The following SEL1L3 variants were observed in gnomAD, a reference collection of about 807,000 sequenced individuals.
SEL1L3 encodes the protein protein sel-1 homolog 3.
A neutral mutation model predicts 142.8 loss-of-function variants in SEL1L3; 76 were observed. That is an observed-to-expected ratio of 0.53 (90% CI 0.44 to 0.64). The LOEUF (loss-of-function observed/expected upper bound fraction) is 0.64, where lower values mean the gene tolerates loss of function less well. SEL1L3 is among the 30% of genes least tolerant of loss of function. The pLI, the probability that SEL1L3 is intolerant of heterozygous loss-of-function variation, is 0.00. For synonymous variants in SEL1L3, 504 were observed against 519.6 expected, an observed-to-expected ratio of 0.97 and a Z score of 0.41; for missense variants, 1,262 against 1,381.7, an observed-to-expected ratio of 0.91 and a Z score of 1.37.
intron 2 of SEL1L3, among the ~76,000 whole-genome samples, chr4:25,846,133 G>A (rs1716490939): frequency 6.6e-6 from 1 of 152,192 alleles, no homozygotes; most frequent in Non-Finnish European, 1.5e-5. Context: ...GGGGGCAGAA[G>A]AAGAGCTGGC....
At chr4:25,791,363 T>C (rs1560304001) in intron 11 of SEL1L3, among the ~76,000 whole-genome samples, 1 of 152,256 alleles carries the variant, frequency 6.6e-6, no homozygotes, top group Non-Finnish European at 1.5e-5. Flanking sequence ...ACAAAATGTT[T>C]AGAATTTGCA....
the SEL1L3 span, among the ~76,000 whole-genome samples, chr4:25,728,506 A>G: frequency 1.3e-5 from 2 of 152,068 alleles, no homozygotes; most frequent in Non-Finnish European, 2.9e-5. Flanking sequence ...CTTGCTCATC[A>G]GTTCTTCCCA....
At chr4:25,794,815 T>G (rs1237937573) in intron 11 of SEL1L3, among the ~76,000 whole-genome samples, 1 of 152,136 alleles carries the variant, frequency 6.6e-6, no homozygotes, top group East Asian at 1.9e-4. Flanking sequence ...CAAATGCCCA[T>G]CAGTGATAGA....
intron 13 of SEL1L3, among the ~76,000 whole-genome samples, chr4:25,785,917 C>T (rs1243310011): frequency 6.6e-6 from 1 of 152,170 alleles, no homozygotes; most frequent in Non-Finnish European, 1.5e-5. Flanking sequence ...AACCCACACA[C>T]TCTAGAATAG....
chr4:25,806,018 GTTTT>G (rs904711546), intron 9 of SEL1L3, among the ~76,000 whole-genome samples: 1 of 148,352 alleles, frequency 6.7e-6, no homozygotes, highest in African/African-American at 2.5e-5. Flanking sequence ...AATGTTGTGG[GTTTT>G]TTTTGTTTTG....
At chr4:25,862,611 G>A in intron 1 of SEL1L3, 64 bp downstream of exon 1, 3 of 917,494 alleles carry the variant, frequency 3.3e-6, no homozygotes, top group African/African-American at 1.7e-5. Context: ...GTCCCCGGCC[G>A]CCCCCACCCG....
At position 25,767,781 on chromosome 4, in the gene SEL1L3, C is replaced by T. The variant is rs1160397941; in HGVS notation, c.2719G>A (p.Val907Met). The T allele has an allele frequency of 1.9e-6, 3 of 1,583,978 alleles. No homozygotes were observed. Among genetic ancestry groups the T allele is most frequent in the East Asian group, 4.5e-5 (2 of 43,982 alleles). The change falls in exon 18 of 24, where the codon GTG (valine) becomes ATG (methionine). Residue 907 changes from valine to methionine, a missense_variant. Physicochemically the swap from Val to Met is conservative, Grantham distance 21. Coordinates refer to ENST00000399878, the MANE Select transcript of SEL1L3 (RefSeq NM_015187.5). Reference protein sequence around the residue: ...YVLAAETGIEVSQTNLAHICE... With the variant: ...YVLAAETGIEMSQTNLAHICE... ...ATGTGTGCTAAATTTGTCTGTGACA[C>T]TTCAATTCCAGTTTCTGCTGCTAAA...
chr4:25,756,041 G>A (rs1717934736), intron 23 of SEL1L3: 5 of 985,412 alleles, frequency 5.1e-6, no homozygotes, highest in Non-Finnish European at 4.8e-6. Context: ...AGAGAGAAAT[G>A]ATTTCGCATT....
At chr4:25,837,209 A>G (rs1715888946) in intron 2 of SEL1L3, among the ~76,000 whole-genome samples, 1 of 151,010 alleles carries the variant, frequency 6.6e-6, no homozygotes, top group African/African-American at 2.4e-5. Flanking sequence ...TCACCAAGGA[A>G]GTTGACATCA....
chr4:25,759,312 C>T (rs1718218045), intron 20 of SEL1L3: 9 of 449,768 alleles, frequency 2.0e-5, no homozygotes, highest in South Asian at 5.7e-5. Context: ...GCCAGTCAAC[C>T]GGGAGATCCG....
In SEL1L3 at chr4:25,784,212, A is replaced by G; in HGVS notation, c.2280+16T>C. The G allele has an allele frequency of 6.2e-7, 1 of 1,603,852 alleles. No homozygotes were observed. Among genetic ancestry groups the G allele is most frequent in the Non-Finnish European group, 8.5e-7 (1 of 1,170,684 alleles). On this transcript the variant is annotated intron_variant, in intron 14 of 23. Transcript: ENST00000399878. ...TGTGGTGGAACTGTTTCCCTCTGAC[A>G]ATATGCATGTGTTACCTTGGAAGCT... is the stretch of plus-strand genomic sequence containing the variant.
chr4:25,743,409 C>T (rs563420823), downstream of SEL1L3, among the ~76,000 whole-genome samples: 1 of 152,280 alleles, frequency 6.6e-6, no homozygotes, highest in South Asian at 2.1e-4. Flanking sequence ...AGACAGGTCT[C>T]AGTCCATTTA....
At chr4:25,734,183 C>T in the SEL1L3 span, among the ~76,000 whole-genome samples, 1 of 152,052 alleles carries the variant, frequency 6.6e-6, no homozygotes, top group African/African-American at 2.4e-5. Context: ...GCCACCACGC[C>T]CAGCTAATGT....
intron 16 of SEL1L3, 123 bp downstream of exon 16, chr4:25,778,953 G>T: frequency 1.3e-6 from 1 of 741,382 alleles, no homozygotes; most frequent in Non-Finnish European, 2.0e-6. Context: ...CAAATTACAT[G>T]ACTTTTAAAA....
At chr4:25,827,060 T>G (rs995923693) in intron 6 of SEL1L3, among the ~76,000 whole-genome samples, 1 of 152,240 alleles carries the variant, frequency 6.6e-6, no homozygotes, top group Admixed American at 6.5e-5. Flanking sequence ...CCTTGATCCT[T>G]CTATGTTTAC....
chr4:25,815,530 T>G (rs1272569744), intron 9 of SEL1L3, among the ~76,000 whole-genome samples: 2 of 152,218 alleles, frequency 1.3e-5, no homozygotes, highest in African/African-American at 4.8e-5. Context: ...TAAAAAAGAA[T>G]GTTTTGTGGA....
At chr4:25,787,714 T>C (rs1189976379) in intron 13 of SEL1L3, among the ~76,000 whole-genome samples, 2 of 152,184 alleles carry the variant, frequency 1.3e-5, no homozygotes, top group African/African-American at 4.8e-5. Context: ...CACTGTCCCA[T>C]GAGATGAGGT....
the SEL1L3 span, among the ~76,000 whole-genome samples, chr4:25,736,309 C>T: frequency 1.5e-4 from 22 of 150,702 alleles, no homozygotes; most frequent in Non-Finnish European, 2.5e-4. Flanking sequence ...CTGCAACCTC[C>T]GCCTCCTGGT....
intron 1 of SEL1L3, among the ~76,000 whole-genome samples, chr4:25,849,902 G>A (rs890920740): frequency 3.3e-5 from 5 of 152,168 alleles, no homozygotes; most frequent in Admixed American, 6.5e-5. Context: ...ACAAGCCCAA[G>A]GGTGCATAGC....
Sources: gnomAD v4.1 joint callset for allele counts (sites outside exome capture counted in the v4.1 genomes callset) on GRCh38, gnomAD v4.1.1 for gene constraint, MANE v1.5 for transcripts, NCBI Gene and HGNC (gene_info 2026-07-23, HGNC 2026-07-21) for gene names.